The following CYTH3 variants were observed in gnomAD, a reference collection of about 807,000 sequenced individuals.
CYTH3 encodes cytohesin 3.
Under a neutral mutation model 55.1 loss-of-function variants are expected in CYTH3, and 23 were observed. The ratio of observed to expected loss-of-function variants is 0.42; its 90% CI spans 0.30 to 0.59. CYTH3 has a LOEUF of 0.59. Ranked by LOEUF, CYTH3 falls within the 20% of genes least tolerant of loss-of-function variation. The pLI, the probability that CYTH3 is intolerant of heterozygous loss-of-function variation, is 0.20. For synonymous variants in CYTH3, 249 were observed against 194.9 expected (o/e 1.28, Z -2.31); for missense variants, 413 against 524.8 (o/e 0.79, Z 2.08).
chr7:6,206,818 T>C (rs929427936), intron 1 of CYTH3, among the ~76,000 whole-genome samples: 31 of 152,174 alleles, frequency 2.0e-4, no homozygotes, highest in African/African-American at 7.5e-4. Context: ...CTGCCACCTC[T>C]ACCTTATATC....
chr7:6,225,608 G>A (rs1052499584), intron 1 of CYTH3, among the ~76,000 whole-genome samples: 10 of 151,864 alleles, frequency 6.6e-5, no homozygotes, highest in African/African-American at 2.4e-4. Flanking sequence ...CACCCACCTT[G>A]GCCTCTCAAA....
rs1305695220 is a variant in CYTH3 at position 6,259,817 on chromosome 7, TA to T, written c.34+12656del. Among the ~76,000 whole-genome samples, 4 of 26,120 alleles carry T rather than the reference TA, an allele frequency of 1.5e-4. No homozygotes were observed. The African/African-American group carries it at 1.6e-3, about 11-fold the overall frequency. 17.1% of individuals were successfully genotyped at this position (26,120 alleles called of 152,430 possible). A position where few individuals can be genotyped will look rare whatever the true frequency, so the allele number is the denominator to read the frequency against. ...TATATATATATATATATATATAATATATATATATATATATATTTTTTTTTTT... is the reference window on the plus strand; with the variant it reads ...TATATATATATATATATATATAATATTATATATATATATATTTTTTTTTTT... On this transcript the variant is annotated intron_variant, in intron 1 of 12. Transcript: ENST00000350796.
At chr7:6,189,959 C>A (rs997254968) in intron 2 of CYTH3, among the ~76,000 whole-genome samples, 2 of 152,046 alleles carry the variant, frequency 1.3e-5, no homozygotes, top group Non-Finnish European at 2.9e-5. Context: ...TGGCGTGAAC[C>A]CAGGAGGCAA....
At chr7:6,193,770 G>A (rs112443402) in intron 1 of CYTH3, among the ~76,000 whole-genome samples, 131 of 152,284 alleles carry the variant, frequency 8.6e-4, no homozygotes, top group African/African-American at 2.9e-3. Context: ...TATCTTTAGA[G>A]AACAAAACAG....
At position 6,169,522 on chromosome 7, in the gene CYTH3, T is replaced by A. The variant is rs970600837; in HGVS notation, c.823+1013A>T. Among the ~76,000 whole-genome samples the A allele has an allele frequency of 1.2e-4, 18 of 152,158 alleles. No individual in the cohort carries two copies. Among genetic ancestry groups the A allele is most frequent in the South Asian group, 2.1e-4 (1 of 4,822 alleles). ...CACTGCACCCGGCTGATAAAATTTT[T>A]AAAAAATCACCAGGATGCTCCACTC... On this transcript the variant is annotated intron_variant, in intron 9 of 12. Transcript: ENST00000350796. The surrounding 1 kb of genome is among the most constrained non-coding windows in gnomAD (Gnocchi z 4.1).
chr7:6,272,503 T>C lies in CYTH3; in HGVS notation c.5A>G (p.Asp2Gly), dbSNP rs763559891. M[D>G]EDGGGEGGGV... ...ACCACCCTCGCCGCCGCCGTCTTCA[T>C]CCATCTTGAGGCCACTCCCGCAGCC... The change falls in exon 1 of 13, where the codon GAT (aspartate) becomes GGT (glycine). Residue 2 changes from aspartate to glycine, a missense_variant. Asp to Gly is a moderately conservative substitution (Grantham distance 94). Coordinates refer to ENST00000350796, the MANE Select transcript of CYTH3 (RefSeq NM_004227.4). The C allele has an allele frequency of 1.5e-6, 2 of 1,321,132 alleles. No homozygotes were observed. The highest frequency in any genetic ancestry group is 1.6e-5 in the African/African-American group (1 of 64,134). 81.8% of individuals were successfully genotyped at this position (1,321,132 alleles called of 1,614,324 possible).
intron 1 of CYTH3, among the ~76,000 whole-genome samples, chr7:6,254,652 G>T (rs1168815259): frequency 6.6e-6 from 1 of 152,182 alleles, no homozygotes; most frequent in African/African-American, 2.4e-5. Context: ...CTTTCACCAT[G>T]TTGGCCAGGC....
intron 1 of CYTH3, among the ~76,000 whole-genome samples, chr7:6,211,114 T>G (rs1329086820): frequency 6.6e-6 from 1 of 152,204 alleles, no homozygotes; most frequent in Admixed American, 6.5e-5. Flanking sequence ...GAGCCTATAG[T>G]GCCCTCCCTG....
Position 6,170,441 on chromosome 7 carries a change from G to T in CYTH3, c.823+94C>A. 1 of 1,143,680 alleles carries T rather than the reference G, an allele frequency of 8.7e-7. No homozygotes were observed. Among genetic ancestry groups the T allele is most frequent in the Non-Finnish European group, 1.3e-6 (1 of 795,046 alleles). 70.8% of individuals were successfully genotyped at this position (1,143,680 alleles called of 1,614,324 possible). ...CTTTTTAACGTCTCTGCCTGCGGTG[G>T]GGGGCATTCCTACGATGAGCCTGGG... On this transcript the variant is annotated intron_variant, in intron 9 of 12. Coordinates refer to ENST00000350796, the MANE Select transcript of CYTH3 (RefSeq NM_004227.4). The surrounding 1 kb of genome is among the most constrained non-coding windows in gnomAD (Gnocchi z 7.8).
intron 1 of CYTH3, among the ~76,000 whole-genome samples, chr7:6,202,245 G>A (rs1417162795): frequency 2.0e-5 from 3 of 152,138 alleles, no homozygotes; most frequent in African/African-American, 7.2e-5. Context: ...ATTGTGTAAA[G>A]AAACCACACG....
chr7:6,200,572 T>C (rs986452375), intron 1 of CYTH3, among the ~76,000 whole-genome samples: 9 of 152,226 alleles, frequency 5.9e-5, no homozygotes, highest in Non-Finnish European at 1.2e-4. Flanking sequence ...TTTGTTGTGA[T>C]ATGGAGCTTT....
chr7:6,267,743 C>T (rs1413070278), intron 1 of CYTH3, among the ~76,000 whole-genome samples: 2 of 152,104 alleles, frequency 1.3e-5, no homozygotes, highest in Admixed American at 6.5e-5. Context: ...AGACTGGTCT[C>T]GAACTCCTGA....
rs939825224 is a variant in CYTH3 at position 6,203,227 on chromosome 7, C to G, written c.35-12696G>C. ...AAAAAAATGTTGAAGATCTTACCAA[C>G]ACAATAGCAAGCTTGATTTAATGGA... On this transcript the variant is annotated intron_variant, in intron 1 of 12. Coordinates refer to ENST00000350796, the MANE Select transcript of CYTH3 (RefSeq NM_004227.4). Among the ~76,000 whole-genome samples, 5 of 151,252 alleles carry G rather than the reference C, an allele frequency of 3.3e-5. No individual in the cohort carries two copies. In the South Asian group the frequency reaches 1.0e-3, roughly 31 times the overall value.
chr7:6,272,620 C>T lies in CYTH3; in HGVS notation c.-113G>A. On this transcript the variant is annotated 5_prime_UTR_variant, in exon 1 of 13. Coordinates refer to ENST00000350796, the MANE Select transcript of CYTH3 (RefSeq NM_004227.4). ...GACCGGGCGGCTCCTCAGCGCGCGG[C>T]CCGGGTCGCGGCCGGGCCTCCTCCC... 3 of 796,288 alleles carry T rather than the reference C, an allele frequency of 3.8e-6. No homozygotes were observed. In the South Asian group the frequency reaches 1.7e-4, roughly 45 times the overall value. The allele number at this position is 796,288 out of a possible 1,614,324, so 49.3% of individuals were successfully genotyped here.
At chr7:6,226,207 G>T (rs1779247045) in intron 1 of CYTH3, among the ~76,000 whole-genome samples, 1 of 152,146 alleles carries the variant, frequency 6.6e-6, no homozygotes, top group Admixed American at 6.5e-5. Flanking sequence ...TCTCCCTAAA[G>T]ATCCAGACGT....
intron 1 of CYTH3, among the ~76,000 whole-genome samples, chr7:6,193,218 C>A (rs1285341276): frequency 2.7e-5 from 4 of 150,594 alleles, no homozygotes; most frequent in African/African-American, 9.8e-5. Context: ...GGCACAAGAC[C>A]AAAAAATTAA....
chr7:6,201,891 T>TAATC (rs1399663245), intron 1 of CYTH3, among the ~76,000 whole-genome samples: 1 of 151,060 alleles, frequency 6.6e-6, no homozygotes, highest in Non-Finnish European at 1.5e-5. Context: ...TGAGAAAAAA[T>TAATC]AATCCAAAAA....
rs1272765272 is a variant in CYTH3 at position 6,171,642 on chromosome 7, G to A, written c.450-328C>T. 1 of 302,024 alleles carries A rather than the reference G, an allele frequency of 3.3e-6. No individual in the cohort carries two copies. The highest frequency in any genetic ancestry group is 6.6e-6 in the Non-Finnish European group (1 of 151,722). 18.7% of individuals were successfully genotyped at this position (302,024 alleles called of 1,614,324 possible). A position where few individuals can be genotyped will look rare whatever the true frequency, so the allele number is the denominator to read the frequency against. ...TGCCACCATCTCCTGCTGCTGCCAG[G>A]TGATCACCAGAGCCCTGCCTGTCCC... is the stretch of plus-strand genomic sequence containing the variant. On this transcript the variant is annotated intron_variant, in intron 6 of 12. Coordinates refer to ENST00000350796, the MANE Select transcript of CYTH3 (RefSeq NM_004227.4). The surrounding 1 kb of genome is among the most constrained non-coding windows in gnomAD (Gnocchi z 6.7).
At chr7:6,214,901 T>C (rs1784392765) in intron 1 of CYTH3, among the ~76,000 whole-genome samples, 1 of 152,150 alleles carries the variant, frequency 6.6e-6, no homozygotes, top group Admixed American at 6.5e-5. Context: ...ATACTCTTAG[T>C]ATAGAGACAA....
Sources: allele counts gnomAD v4.1 joint callset (sites outside exome capture counted in the v4.1 genomes callset), GRCh38; gene constraint gnomAD v4.1.1; non-coding constraint Gnocchi (gnomAD v3.1); transcripts MANE v1.5; gene names NCBI Gene and HGNC (gene_info 2026-07-23, HGNC 2026-07-21).